SETMAR: variants seen among roughly 807,000 people sequenced by gnomAD.
SETMAR encodes histone-lysine N-methyltransferase SETMAR.
SETMAR carries 44 observed loss-of-function variants against 58.4 expected under a neutral mutation model. The observed-to-expected ratio is 0.75, with a 90% CI of 0.59 to 0.97. The LOEUF (loss-of-function observed/expected upper bound fraction) is 0.97. SETMAR is among the 50% of genes least tolerant of loss of function. The pLI is 0.00. For missense variants in SETMAR, 903 were observed against 840.2 expected (o/e 1.07, Z -0.92); for synonymous variants, 332 against 307.4 (o/e 1.08, Z -0.84).
Position 4,313,500 on chromosome 3 carries a change from G to T in SETMAR, c.759G>T (p.Val253=). 2 of 1,613,872 alleles carry T rather than the reference G, an allele frequency of 1.2e-6. No homozygotes were observed. The highest frequency in any genetic ancestry group is 1.7e-6 in the Non-Finnish European group (2 of 1,179,936). The change falls in exon 2 of 3, where the codon GTG becomes GTT. Residue 253 remains valine (V), a synonymous_variant. Coordinates refer to ENST00000358065, the MANE Select transcript of SETMAR (RefSeq NM_006515.4). The part of the protein sequence containing the change: ...KLALFAAKDI[V]PEEELSYDYS... ...CACTTTTTGCAGCCAAAGATATTGT[G>T]CCAGAAGAAGAACTCTCTTATGATT...
At chr3:4,306,477 T>C (rs1038521478) in intron 1 of SETMAR, among the ~76,000 whole-genome samples, 1 of 152,158 alleles carries the variant, frequency 6.6e-6, no homozygotes, top group Admixed American at 6.5e-5. Flanking sequence ...TAAATGAAAA[T>C]TGGGAGATTA....
intron 2 of SETMAR, among the ~76,000 whole-genome samples, chr3:4,314,964 G>A (rs1279867563): frequency 6.6e-6 from 1 of 152,086 alleles, no homozygotes; most frequent in African/African-American, 2.4e-5. Context: ...TAAGTACATT[G>A]TACACTTTAA....
Position 4,316,946 on chromosome 3 carries a change from TCTC to T in SETMAR, c.1757_1759del (p.Leu586del). ...TGGTCAACAGAAAGGGCCCAATTCT[TCTC>T]CACGACAATGCCCGACCGCATGTTG... is the stretch of plus-strand genomic sequence containing the variant. On this transcript the variant is annotated inframe_deletion, in exon 3 of 3. Transcript: ENST00000358065. 2 of 1,549,326 alleles carry T rather than the reference TCTC, an allele frequency of 1.3e-6. No individual in the cohort carries two copies. The highest frequency in any genetic ancestry group is 1.7e-6 in the Non-Finnish European group (2 of 1,146,746).
In SETMAR at chr3:4,313,768, C is replaced by G. The variant is rs1698523519; in HGVS notation, c.1020+7C>G. The G allele has an allele frequency of 1.2e-6, 2 of 1,613,888 alleles. No homozygotes were observed. The highest frequency in any genetic ancestry group is 1.7e-6 in the Non-Finnish European group (2 of 1,179,934). ...CAAGCGATTGACCCTTGAGGTGAGTCTGTTCAGTGATAAGCAGCTTGCCCC... is the reference window on the plus strand; with the variant it reads ...CAAGCGATTGACCCTTGAGGTGAGTGTGTTCAGTGATAAGCAGCTTGCCCC... On this transcript the variant is annotated splice_region_variant and intron_variant, in intron 2 of 2. Transcript: ENST00000358065.
At chr3:4,309,183 T>A (rs2125086369) in intron 1 of SETMAR, among the ~76,000 whole-genome samples, 1 of 152,302 alleles carries the variant, frequency 6.6e-6, no homozygotes, top group South Asian at 2.1e-4. Flanking sequence ...AGCCTCCAGG[T>A]AGCAGGCTTC....
chr3:4,316,980 C>G lies in SETMAR; in HGVS notation c.1789C>G (p.Pro597Ala). The G allele has an allele frequency of 6.5e-7, 1 of 1,549,414 alleles. No individual in the cohort carries two copies. Among genetic ancestry groups the G allele is most frequent in the Non-Finnish European group, 8.7e-7 (1 of 1,146,738 alleles). ...HDNARPHVAQ[P>A]TLQKLNELGY... ...CAATGCCCGACCGCATGTTGCACAACCCACACTTCAAAAGTTGAATGAATT... is the reference window on the plus strand; with the variant it reads ...CAATGCCCGACCGCATGTTGCACAAGCCACACTTCAAAAGTTGAATGAATT... Residue 597 changes from proline (P) to alanine (A), a missense_variant, in exon 3 of 3, where the codon CCC (proline) becomes GCC (alanine). By Grantham distance (27) the Pro-to-Ala change is conservative (BLOSUM62 -1). Coordinates refer to ENST00000358065, the MANE Select transcript of SETMAR (RefSeq NM_006515.4).
chr3:4,312,788 CT>C (rs1381463740), intron 1 of SETMAR, 109 bp from the exon 2 acceptor site: 1 of 1,280,004 alleles, frequency 7.8e-7, no homozygotes, highest in Non-Finnish European at 1.1e-6. Context: ...CAGTTTTGTC[CT>C]GTTTTTATAT....
Position 4,312,971 on chromosome 3 carries a change from G to C in SETMAR, c.230G>C (p.Cys77Ser), listed in dbSNP as rs551804242. ...PTQITFPGCI[C>S]VKTPCLPGTC... ...CAAATAACCTTTCCCGGATGCATTTGTGTCAAAACTCCCTGCCTCCCTGGC... is the reference window on the plus strand; with the variant it reads ...CAAATAACCTTTCCCGGATGCATTTCTGTCAAAACTCCCTGCCTCCCTGGC... Residue 77 changes from cysteine (C) to serine (S), a missense_variant, in exon 2 of 3, where the codon TGT (cysteine) becomes TCT (serine). Coordinates refer to ENST00000358065, the MANE Select transcript of SETMAR (RefSeq NM_006515.4). 2 of 1,614,000 alleles carry C rather than the reference G, an allele frequency of 1.2e-6. No homozygotes were observed. Among genetic ancestry groups the C allele is most frequent in the South Asian group, 1.1e-5 (1 of 91,074 alleles).
rs778137985 is a variant in SETMAR at position 4,313,478 on chromosome 3, T to C, written c.737T>C (p.Leu246Pro). Residue 246 changes from leucine (L) to proline (P), a missense_variant, in exon 2 of 3, where the codon CTT becomes CCT. By Grantham distance (98) the Leu-to-Pro change is moderately conservative. Transcript: ENST00000358065. ...GACTCAATGGTACCTAAGTTGGCACTTTTTGCAGCCAAAGATATTGTGCCA... is the reference window on the plus strand; with the variant it reads ...GACTCAATGGTACCTAAGTTGGCACCTTTTGCAGCCAAAGATATTGTGCCA... Reference protein sequence around the residue: ...RIDSMVPKLALFAAKDIVPEE... With the variant: ...RIDSMVPKLAPFAAKDIVPEE... 1 of 1,613,966 alleles carries C rather than the reference T, an allele frequency of 6.2e-7. No individual in the cohort carries two copies. The highest frequency in any genetic ancestry group is 8.5e-7 in the Non-Finnish European group (1 of 1,179,962).
At chr3:4,307,747 A>G (rs1178689033) in intron 1 of SETMAR, among the ~76,000 whole-genome samples, 3 of 152,180 alleles carry the variant, frequency 2.0e-5, no homozygotes, top group Non-Finnish European at 4.4e-5. Flanking sequence ...GGAAATTTAA[A>G]AAATCCCAGC....
Position 4,313,673 on chromosome 3 carries a change from C to T in SETMAR, c.932C>T (p.Ser311Leu), listed in dbSNP as rs752256260. The T allele has an allele frequency of 1.7e-5, 28 of 1,613,852 alleles. No homozygotes were observed. The highest frequency in any genetic ancestry group is 8.8e-5 in the South Asian group (8 of 91,084). The change falls in exon 2 of 3, where the codon TCG (serine) becomes TTG (leucine). Residue 311 changes from serine to leucine, a missense_variant. Coordinates refer to ENST00000358065, the MANE Select transcript of SETMAR (RefSeq NM_006515.4). ...TCTCTGTACTGCCCCGTAGAAAAGTCGAACATCAGTTGTGGAAATGAGAAG... is the reference window on the plus strand; with the variant it reads ...TCTCTGTACTGCCCCGTAGAAAAGTTGAACATCAGTTGTGGAAATGAGAAG... The part of the protein sequence containing the change: ...DSSLYCPVEK[S>L]NISCGNEKEP...
intron 2 of SETMAR, 60 bp from the exon 3 acceptor site, chr3:4,316,152 G>A: frequency 1.6e-6 from 1 of 614,306 alleles, no homozygotes; most frequent in Non-Finnish European, 2.9e-6. Flanking sequence ...CCATTTTAAT[G>A]AGCATTTCTT....
chr3:4,316,561 A>G lies in SETMAR; in HGVS notation c.1370A>G (p.Asp457Gly). Residue 457 changes from aspartate (D) to glycine (G), a missense_variant, in exon 3 of 3, where the codon GAT (aspartate) becomes GGT (glycine). Physicochemically the swap from Asp to Gly is moderately conservative, Grantham distance 94. Transcript: ENST00000358065. ...LKQIGKVKKL[D>G]KWVPHELTEN... is the part of the protein sequence containing the mutation. ...CAAATTGGAAAGGTGAAAAAGCTCGATAAGTGGGTGCCTCATGAGCTGACT... is the reference window on the plus strand; with the variant it reads ...CAAATTGGAAAGGTGAAAAAGCTCGGTAAGTGGGTGCCTCATGAGCTGACT... The G allele has an allele frequency of 1.9e-6, 3 of 1,554,984 alleles. No individual in the cohort carries two copies. Among genetic ancestry groups the G allele is most frequent in the South Asian group, 1.2e-5 (1 of 84,304 alleles).
chr3:4,312,450 AT>A lies in SETMAR; in HGVS notation c.157-447del, dbSNP rs556741876. On this transcript the variant is annotated intron_variant, in intron 1 of 2. Coordinates refer to ENST00000358065, the MANE Select transcript of SETMAR (RefSeq NM_006515.4). ...TATACATACATAATAATACATATATATGTCCTTATGTGTACCTATATATAAC... is the reference window on the plus strand; with the variant it reads ...TATACATACATAATAATACATATATAGTCCTTATGTGTACCTATATATAAC... Among the ~76,000 whole-genome samples the A allele has an allele frequency of 6.0e-3, 915 of 152,206 alleles. 4 individuals carry two copies. Among genetic ancestry groups the A allele is most frequent in the Middle Eastern group, 0.01 (3 of 294 alleles).
In SETMAR at chr3:4,303,512, C is replaced by A; in HGVS notation, c.142C>A (p.Pro48Thr). 7.0e-7 allele frequency: 1 copy of A among 1,438,394 alleles called. No individual in the cohort carries two copies. Among genetic ancestry groups the A allele is most frequent in the South Asian group, 1.5e-5 (1 of 65,434 alleles). 89.1% of individuals were successfully genotyped at this position (1,438,394 alleles called of 1,614,324 possible). ...PVGAWPPGAA[P>T]APFQYTPDHV... The stretch of plus-strand genomic sequence containing the variant: ...GGGCGCGTGGCCCCCGGGGGCCGCG[C>A]CGGCGCCCTTCCAGGTAGGGGCGGG... Residue 48 changes from proline to threonine, a missense_variant, in exon 1 of 3, where the codon CCG becomes ACG. Pro to Thr is a conservative substitution (Grantham distance 38). Transcript: ENST00000358065.
At chr3:4,303,713 C>A in intron 1 of SETMAR, 187 bp downstream of exon 1, 1 of 1,505,812 alleles carries the variant, frequency 6.6e-7, no homozygotes, top group Non-Finnish European at 8.9e-7. Context: ...CACGGCATCA[C>A]CTTAGCAAGG....
Position 4,313,330 on chromosome 3 carries a change from AG to A in SETMAR, c.592del (p.Glu198AsnfsTer8), listed in dbSNP as rs747393505. ...KSDSNYIIAI[R>X]EHVYNGQVME... ...CGACTCCAATTACATTATAGCCATC[AG>A]GGAACATGTTTATAATGGGCAGGTA... On this transcript the variant is annotated frameshift_variant, in exon 2 of 3. Transcript: ENST00000358065. LOFTEE classifies it high-confidence loss of function. 177 of 1,613,936 alleles carry A rather than the reference AG, an allele frequency of 1.1e-4. No individual in the cohort carries two copies. The highest frequency in any genetic ancestry group is 1.4e-4 in the Non-Finnish European group (167 of 1,179,974).
At chr3:4,314,064 C>A (rs1007546806) in intron 2 of SETMAR, 2 of 490,334 alleles carry the variant, frequency 4.1e-6, no homozygotes, top group Admixed American at 3.7e-5. Context: ...CTCTTTCTTC[C>A]TGCTGGCTGG....
chr3:4,306,360 A>G (rs1440159658), intron 1 of SETMAR, among the ~76,000 whole-genome samples: 1 of 152,188 alleles, frequency 6.6e-6, no homozygotes. Context: ...GAGGTTTTCT[A>G]TTTCTCAAAG....
Sources: allele counts gnomAD v4.1 joint callset (sites outside exome capture counted in the v4.1 genomes callset), GRCh38; gene constraint gnomAD v4.1.1; transcripts MANE v1.5; gene names NCBI Gene and HGNC (gene_info 2026-07-23, HGNC 2026-07-21).